The following FGF13 variants were observed in gnomAD, a reference collection of about 807,000 sequenced individuals.
FGF13 encodes the protein fibroblast growth factor homologous factor 2.
A neutral mutation model predicts 19.5 loss-of-function variants in FGF13; 2 were observed. That is an observed-to-expected ratio of 0.10 (90% CI 0.04 to 0.32). The LOEUF (loss-of-function observed/expected upper bound fraction) is 0.32, where lower values mean the gene tolerates loss of function less well. Ranked by LOEUF, FGF13 falls within the 10% of genes least tolerant of loss-of-function variation. FGF13 has a pLI of 1.00. For missense variants in FGF13, 113 were observed against 192.7 expected, an observed-to-expected ratio of 0.59 and a Z score of 2.45; for synonymous variants, 72 against 76.9, an observed-to-expected ratio of 0.94 and a Z score of 0.33.
intron 1 of FGF13, among the ~76,000 whole-genome samples, chrX:139,006,696 G>C (rs766902756): frequency 8.9e-6 from 1 of 112,002 alleles, no homozygotes; most frequent in Non-Finnish European, 1.9e-5. Flanking sequence ...GTGGGGGGAT[G>C]AAATTGACGT....
chrX:138,987,120 T>C (rs140183874), intron 1 of FGF13, among the ~76,000 whole-genome samples: 94 of 112,540 alleles, frequency 8.4e-4, no homozygotes, highest in African/African-American at 3.0e-3. Context: ...CTGGAGATAC[T>C]GGCAAGAGAC....
intron 1 of FGF13, among the ~76,000 whole-genome samples, chrX:139,007,414 C>T (rs2092107337): frequency 9.0e-6 from 1 of 110,726 alleles, no homozygotes; most frequent in African/African-American, 3.3e-5. Flanking sequence ...GGCTTCAATG[C>T]CCTACATTCA....
At chrX:138,802,247 G>A (rs941301165) in intron 3 of FGF13, among the ~76,000 whole-genome samples, 1 of 112,285 alleles carries the variant, frequency 8.9e-6, no homozygotes, top group Non-Finnish European at 1.9e-5. Flanking sequence ...GTAAGCACAC[G>A]AGGGAATCTC....
intron 2 of FGF13, among the ~76,000 whole-genome samples, chrX:138,857,885 T>C (rs987207401): frequency 3.6e-5 from 4 of 112,336 alleles, no homozygotes; most frequent in Admixed American, 9.4e-5. Flanking sequence ...CTCGACTATA[T>C]ATACCTCTGT....
At chrX:138,760,754 T>C (rs974358173) in intron 3 of FGF13, among the ~76,000 whole-genome samples, 1 of 111,883 alleles carries the variant, frequency 8.9e-6, no homozygotes, top group Non-Finnish European at 1.9e-5. Context: ...TCCTCCAGCT[T>C]TCTTTCCTCT....
At chrX:138,954,021 C>T (rs114489707) in intron 1 of FGF13, among the ~76,000 whole-genome samples, 2,940 of 109,262 alleles carry the variant, frequency 0.027, 107 homozygotes, top group African/African-American at 0.092. Flanking sequence ...GTGTGTTATA[C>T]AGTTATAAAC....
chrX:138,826,908 T>C (rs2091038189), intron 3 of FGF13, among the ~76,000 whole-genome samples: 1 of 112,331 alleles, frequency 8.9e-6, no homozygotes, highest in Admixed American at 9.4e-5. Flanking sequence ...CTTATGGCAC[T>C]ACACTGGTAC....
intron 1 of FGF13, among the ~76,000 whole-genome samples, chrX:138,972,356 A>ATTT (rs34553958): frequency 1.3e-5 from 1 of 78,090 alleles, no homozygotes. Flanking sequence ...CTTCACCAGA[A>ATTT]TTTTTTTTTT....
chrX:138,659,763 A>T lies in FGF13; in HGVS notation c.403-24108T>A, dbSNP rs188401277. ...ATGCGTTCATGTCCTTTGCAGGGAC[A>T]CAGATGAAGCTGAAAACCATCATTC... On this transcript the variant is annotated intron_variant, in intron 3 of 4. Coordinates refer to ENST00000315930, the MANE Select transcript of FGF13 (RefSeq NM_004114.5). 6.3e-3 allele frequency among the ~76,000 whole-genome samples: 701 copies of T among 111,974 alleles called. 3 individuals carry two copies. Among genetic ancestry groups the T allele is most frequent in the Non-Finnish European group, 9.7e-3 (516 of 53,208 alleles).
intron 1 of FGF13, among the ~76,000 whole-genome samples, chrX:138,737,733 C>T (rs2090288702): frequency 9.0e-6 from 1 of 111,374 alleles, no homozygotes; most frequent in African/African-American, 3.3e-5. Context: ...GTGTGTTTCA[C>T]TCAAATACTT....
chrX:138,792,782 G>A (rs1394254988), intron 3 of FGF13, among the ~76,000 whole-genome samples: 3 of 110,886 alleles, frequency 2.7e-5, no homozygotes, highest in Non-Finnish European at 5.7e-5. Flanking sequence ...ATTTGGCCCT[G>A]TACATCCTGG....
chrX:138,699,791 T>C lies in FGF13; in HGVS notation c.402+3193A>G, dbSNP rs141336310. 2.7e-5 allele frequency among the ~76,000 whole-genome samples: 3 copies of C among 112,103 alleles called. No individual in the cohort carries two copies. The East Asian group carries it at 8.4e-4, about 31-fold the overall frequency. On this transcript the variant is annotated intron_variant, in intron 3 of 4. Transcript: ENST00000315930. Reference sequence around the variant, plus strand: ...TATTTTCATAACTATTTCCATGGCATGGACTGCTACCTACATGTGATAACT... The same window carrying C: ...TATTTTCATAACTATTTCCATGGCACGGACTGCTACCTACATGTGATAACT...
chrX:138,686,000 A>C (rs1879348128), intron 3 of FGF13, among the ~76,000 whole-genome samples: 1 of 110,558 alleles, frequency 9.0e-6, no homozygotes, highest in Non-Finnish European at 1.9e-5. Flanking sequence ...ACAGCAAATA[A>C]ACGTTCAATA....
At position 138,886,078 on chromosome X, in the gene FGF13, T is replaced by C. The variant is rs1468825148; in HGVS notation, c.-112-21428A>G. Among the ~76,000 whole-genome samples, 4 of 112,093 alleles carry C rather than the reference T, an allele frequency of 3.6e-5. No homozygotes were observed. The Admixed American group carries it at 3.8e-4, about 11-fold the overall frequency. ...GCATCCACATGGGTTATGAGTCATG[T>C]TTGTTTTGAGAATGAAAATACTTAA... On this transcript the variant is annotated intron_variant, in intron 1 of 2. Transcript: ENST00000421460.
chrX:139,018,224 A>T (rs1392938513), intron 1 of FGF13, among the ~76,000 whole-genome samples: 2 of 111,653 alleles, frequency 1.8e-5, no homozygotes. Flanking sequence ...GTCTCCAGTA[A>T]ACCTGCACTG....
At position 138,959,336 on chromosome X, in the gene FGF13, T is replaced by C. The variant is rs181435527; in HGVS notation, c.-112-94686A>G. The stretch of plus-strand genomic sequence containing the variant: ...TTCCACGTAGTTGTGCGGTTTTGAG[T>C]GAGTTTCTTAATTCTGAGTTCTAAT... On this transcript the variant is annotated intron_variant, in intron 1 of 2. Transcript: ENST00000421460. Among the ~76,000 whole-genome samples the C allele has an allele frequency of 7.2e-5, 8 of 111,821 alleles. No individual in the cohort carries two copies. The East Asian group carries it at 2.2e-3, about 31-fold the overall frequency.
intron 3 of FGF13, among the ~76,000 whole-genome samples, chrX:138,792,043 A>G (rs1418258128): frequency 3.6e-5 from 4 of 111,875 alleles, no homozygotes; most frequent in Admixed American, 9.5e-5. Context: ...TTTAGTGGCC[A>G]AAAAGCTGAG....
At chrX:138,825,807 A>G (rs959511858) in intron 3 of FGF13, among the ~76,000 whole-genome samples, 2 of 112,321 alleles carry the variant, frequency 1.8e-5, no homozygotes, top group African/African-American at 3.2e-5. Context: ...TAGTTTTTTC[A>G]GTGGCAGTAT....
intron 1 of FGF13, among the ~76,000 whole-genome samples, chrX:138,721,585 T>C (rs2090147915): frequency 9.0e-6 from 1 of 110,685 alleles, no homozygotes; most frequent in South Asian, 3.8e-4. Flanking sequence ...GGATAAAATA[T>C]TCATTTTATT....
Sources: allele counts gnomAD v4.1 joint callset (sites outside exome capture counted in the v4.1 genomes callset), GRCh38; gene constraint gnomAD v4.1.1; transcripts MANE v1.5; gene names NCBI Gene and HGNC (gene_info 2026-07-23, HGNC 2026-07-21).